The following ADAMTS16 variants were observed in gnomAD, a reference collection of about 807,000 sequenced individuals.
The protein encoded by ADAMTS16 is A disintegrin and metalloproteinase with thrombospondin motifs 16.
A neutral mutation model predicts 145.8 loss-of-function variants in ADAMTS16; 94 were observed. The ratio of observed to expected loss-of-function variants is 0.64; its 90% CI spans 0.55 to 0.77. The LOEUF is 0.77. Among genes scored for constraint, ADAMTS16 ranks in the 30% least tolerant of loss-of-function variants. The pLI is 0.00. For missense variants in ADAMTS16, 1,585 were observed against 1,591.5 expected (o/e 1.00, Z 0.07); for synonymous variants, 659 against 604.3 (o/e 1.09, Z -1.33).
intron 10 of ADAMTS16, among the ~76,000 whole-genome samples, chr5:5,217,929 A>G (rs1736482082): frequency 6.6e-6 from 1 of 152,150 alleles, no homozygotes; most frequent in Non-Finnish European, 1.5e-5. Flanking sequence ...AAGCCGCCAG[A>G]ATTGCTTTGA....
intron 18 of ADAMTS16, among the ~76,000 whole-genome samples, chr5:5,268,718 C>T (rs1738352852): frequency 6.6e-6 from 1 of 152,288 alleles, no homozygotes; most frequent in African/African-American, 2.4e-5. Flanking sequence ...AAGGTCTGGC[C>T]CATGGGATGT....
chr5:5,272,528 AT>A (rs549259960), intron 18 of ADAMTS16, among the ~76,000 whole-genome samples: 25 of 148,672 alleles, frequency 1.7e-4, no homozygotes, highest in African/African-American at 5.2e-4. Context: ...CGCCTGGCTA[AT>A]TTTTTTTTTG....
chr5:5,243,373 C>G (rs1013835931), intron 17 of ADAMTS16, among the ~76,000 whole-genome samples: 9 of 152,214 alleles, frequency 5.9e-5, no homozygotes, highest in African/African-American at 2.2e-4. Flanking sequence ...GGAAATCTCA[C>G]ACTAGTGATA....
chr5:5,172,987 C>T (rs1163600577), intron 3 of ADAMTS16, among the ~76,000 whole-genome samples: 2 of 152,106 alleles, frequency 1.3e-5, no homozygotes, highest in African/African-American at 2.4e-5. Flanking sequence ...TTCTTTATCT[C>T]TTTTTATAGT....
chr5:5,164,658 T>G (rs1734820997), intron 3 of ADAMTS16, among the ~76,000 whole-genome samples: 2 of 151,980 alleles, frequency 1.3e-5, no homozygotes, highest in Admixed American at 6.5e-5. Flanking sequence ...GGCTTCAGCT[T>G]TGTTCTGTTT....
intron 18 of ADAMTS16, among the ~76,000 whole-genome samples, chr5:5,302,278 G>A (rs1739813311): frequency 6.6e-6 from 1 of 152,194 alleles, no homozygotes; most frequent in South Asian, 2.1e-4. Flanking sequence ...CACGTTGATG[G>A]GGTCTACTTT....
intron 3 of ADAMTS16, among the ~76,000 whole-genome samples, chr5:5,175,676 G>A (rs1164058100): frequency 6.6e-6 from 1 of 152,184 alleles, no homozygotes; most frequent in African/African-American, 2.4e-5. Flanking sequence ...TGGATCTCAG[G>A]TTCTGTCCAC....
At chr5:5,274,167 G>A (rs750159660) in intron 18 of ADAMTS16, among the ~76,000 whole-genome samples, 12 of 151,946 alleles carry the variant, frequency 7.9e-5, no homozygotes, top group Non-Finnish European at 1.6e-4. Flanking sequence ...CCCCACCGGC[G>A]TGCTCCATTT....
At chr5:5,222,349 A>T (rs886465893) in intron 10 of ADAMTS16, among the ~76,000 whole-genome samples, 1 of 152,054 alleles carries the variant, frequency 6.6e-6, no homozygotes, top group Non-Finnish European at 1.5e-5. Flanking sequence ...GGATGGATGG[A>T]TGGATGGACA....
intron 3 of ADAMTS16, among the ~76,000 whole-genome samples, chr5:5,152,578 A>G (rs1194988595): frequency 1.3e-5 from 2 of 152,212 alleles, no homozygotes; most frequent in Non-Finnish European, 2.9e-5. Context: ...GTCTCAGAAT[A>G]GAAGTTGGCT....
intron 18 of ADAMTS16, among the ~76,000 whole-genome samples, chr5:5,267,990 T>C (rs1166574657): frequency 6.6e-6 from 1 of 152,150 alleles, no homozygotes; most frequent in Non-Finnish European, 1.5e-5. Flanking sequence ...ATGGTCCCAT[T>C]AGGCCAGGAA....
intron 10 of ADAMTS16, among the ~76,000 whole-genome samples, chr5:5,218,163 A>T (rs991643698): frequency 6.6e-6 from 1 of 152,266 alleles, no homozygotes; most frequent in African/African-American, 2.4e-5. Context: ...GTTAAGTCAA[A>T]GTGATAAAGT....
At chr5:5,311,513 G>T (rs1298647761) in intron 21 of ADAMTS16, among the ~76,000 whole-genome samples, 1 of 150,098 alleles carries the variant, frequency 6.7e-6, no homozygotes, top group Non-Finnish European at 1.5e-5. Context: ...GGGTGTGCAT[G>T]TGTGAGACGG....
At chr5:5,214,893 A>C (rs1560952172) in intron 10 of ADAMTS16, among the ~76,000 whole-genome samples, 1 of 152,228 alleles carries the variant, frequency 6.6e-6, no homozygotes, top group Non-Finnish European at 1.5e-5. Context: ...TTTTATTTAA[A>C]AGGGCCTATT....
At chr5:5,301,294 C>T (rs1739758360) in intron 18 of ADAMTS16, among the ~76,000 whole-genome samples, 1 of 152,132 alleles carries the variant, frequency 6.6e-6, no homozygotes, top group Non-Finnish European at 1.5e-5. Flanking sequence ...AGCTCCTAGG[C>T]TTAAGCATCC....
chr5:5,158,172 A>G (rs1235886970), intron 3 of ADAMTS16, among the ~76,000 whole-genome samples: 1 of 152,148 alleles, frequency 6.6e-6, no homozygotes, highest in Non-Finnish European at 1.5e-5. Flanking sequence ...TATCTCAATT[A>G]AATTCTTATT....
chr5:5,208,290 C>T (rs573852578), intron 9 of ADAMTS16, among the ~76,000 whole-genome samples: 2 of 152,278 alleles, frequency 1.3e-5, no homozygotes, highest in Non-Finnish European at 2.9e-5. Flanking sequence ...TGCCATTGCT[C>T]ATTGTATTGT....
intron 3 of ADAMTS16, among the ~76,000 whole-genome samples, chr5:5,172,903 C>G (rs1030489654): frequency 1.3e-5 from 2 of 152,084 alleles, no homozygotes; most frequent in Admixed American, 1.3e-4. Context: ...CTGGGTGCTG[C>G]AATATTGAGT....
rs368647294 is a variant in ADAMTS16 at position 5,318,217 on chromosome 5, G to A, written c.3495G>A (p.Leu1165=). The A allele has an allele frequency of 7.0e-6, 11 of 1,569,906 alleles. No homozygotes were observed. Among genetic ancestry groups the A allele is most frequent in the East Asian group, 7.0e-5 (3 of 42,966 alleles). Residue 1165 remains leucine (L), a synonymous_variant, in exon 22 of 23, where the codon CTG becomes CTA. Coordinates refer to ENST00000274181, the MANE Select transcript of ADAMTS16 (RefSeq NM_139056.4). ...AGGRPASGCL[L]HQKPSASLAC... ...GCCGGCCGGCCTCAGGCTGCCTCCTGCACCAGAAGCCTTCGGCCTCCCTGG... is the reference window on the plus strand; with the variant it reads ...GCCGGCCGGCCTCAGGCTGCCTCCTACACCAGAAGCCTTCGGCCTCCCTGG...
Sources: gnomAD v4.1 joint callset for allele counts (sites outside exome capture counted in the v4.1 genomes callset) on GRCh38, gnomAD v4.1.1 for gene constraint, MANE v1.5 for transcripts, NCBI Gene and HGNC (gene_info 2026-07-23, HGNC 2026-07-21) for gene names.